MGST3: variants seen among roughly 807,000 people sequenced by gnomAD.
MGST3 encodes the protein glutathione S-transferase 3, mitochondrial.
Under a neutral mutation model 15.8 loss-of-function variants are expected in MGST3, and 13 were observed. That is an observed-to-expected ratio of 0.82 (90% CI 0.54 to 1.31). The LOEUF is 1.31. MGST3 is among the 50% of genes most tolerant of loss of function. The pLI, the probability that MGST3 is intolerant of heterozygous loss-of-function variation, is 0.00. For missense variants in MGST3, 155 were observed against 192.4 expected (o/e 0.81, Z 1.15); for synonymous variants, 49 against 68.1 (o/e 0.72, Z 1.38).
intron 1 of MGST3, among the ~76,000 whole-genome samples, chr1:165,633,749 A>G (rs1290157892): frequency 6.6e-6 from 1 of 150,394 alleles, no homozygotes; most frequent in Non-Finnish European, 1.5e-5. Flanking sequence ...AGTGGTGTCA[A>G]TGTGACTCAT....
intron 1 of MGST3, among the ~76,000 whole-genome samples, chr1:165,639,080 A>G (rs545133728): frequency 1.3e-5 from 2 of 152,126 alleles, no homozygotes; most frequent in South Asian, 2.1e-4. Context: ...ATGATCCTCT[A>G]TGTAAAGTAT....
At chr1:165,646,847 G>A (rs1335581199) in intron 1 of MGST3, 2 of 152,294 alleles carry the variant, frequency 1.3e-5, no homozygotes, top group Non-Finnish European at 1.5e-5. Context: ...CACCTCACTT[G>A]GTAGGAGTGC....
intron 1 of MGST3, among the ~76,000 whole-genome samples, chr1:165,641,204 C>T (rs1284529972): frequency 6.6e-6 from 1 of 152,146 alleles, no homozygotes; most frequent in African/African-American, 2.4e-5. Flanking sequence ...AGAGTTCCCA[C>T]TCCCTGAAGC....
chr1:165,650,104 C>T, intron 2 of MGST3, 140 bp downstream of exon 2: 2 of 1,270,566 alleles, frequency 1.6e-6, no homozygotes, highest in Non-Finnish European at 2.2e-6. Flanking sequence ...GTTAGCGATT[C>T]TGCTTCTTCA....
chr1:165,641,563 T>A (rs1205397892), intron 1 of MGST3, among the ~76,000 whole-genome samples: 1 of 152,256 alleles, frequency 6.6e-6, no homozygotes, highest in Non-Finnish European at 1.5e-5. Flanking sequence ...GACAGACATG[T>A]ACAGTTACCA....
At chr1:165,652,473 G>C (rs1285093154) in intron 4 of MGST3, among the ~76,000 whole-genome samples, 2 of 112,798 alleles carry the variant, frequency 1.8e-5, no homozygotes, top group African/African-American at 2.8e-5. Context: ...GGTGGTCACA[G>C]AGAAGAAGCA....
chr1:165,655,661 T>C lies in MGST3; in HGVS notation c.*157T>C. The C allele has an allele frequency of 2.3e-6, 2 of 876,250 alleles. No individual in the cohort carries two copies. The highest frequency in any genetic ancestry group is 3.5e-6 in the Non-Finnish European group (2 of 569,462). 54.3% of individuals were successfully genotyped at this position (876,250 alleles called of 1,614,324 possible). ...ACTCATTTCCGTTTGAGTCTGTATC[T>C]GAAATCAGTAGCCTAGTCCTACTAG... On this transcript the variant is annotated 3_prime_UTR_variant, in exon 6 of 6. Coordinates refer to ENST00000367889, the MANE Select transcript of MGST3 (RefSeq NM_004528.4).
At chr1:165,641,534 A>G (rs1648265781) in intron 1 of MGST3, among the ~76,000 whole-genome samples, 1 of 152,264 alleles carries the variant, frequency 6.6e-6, no homozygotes, top group Admixed American at 6.5e-5. Flanking sequence ...ATCCTCATTT[A>G]GGAACTGTTG....
At chr1:165,637,866 T>C (rs897492673) in intron 1 of MGST3, among the ~76,000 whole-genome samples, 2 of 152,182 alleles carry the variant, frequency 1.3e-5, no homozygotes, top group African/African-American at 4.8e-5. Context: ...ACTTTGCAAA[T>C]GTGTGTGTTG....
intron 2 of MGST3, 82 bp downstream of exon 2, chr1:165,650,046 A>C: frequency 6.3e-7 from 1 of 1,594,952 alleles, no homozygotes. Context: ...TCAGCCATGG[A>C]GGGAGAGGCA....
chr1:165,636,940 GGACCCTCA>G (rs1184202016), intron 1 of MGST3: 1 of 152,140 alleles, frequency 6.6e-6, no homozygotes, highest in Admixed American at 6.6e-5. Context: ...TGAGCCAAGT[GGACCCTCA>G]GCACCACCTC....
rs755746926 is a variant in MGST3 at position 165,651,007 on chromosome 1, G to A, written c.118-7G>A. 8 of 1,613,722 alleles carry A rather than the reference G, an allele frequency of 5.0e-6. No homozygotes were observed. In the South Asian group the frequency reaches 8.8e-5, roughly 18 times the overall value. On this transcript the variant is annotated splice_region_variant and splice_polypyrimidine_tract_variant and intron_variant, in intron 2 of 5. Transcript: ENST00000367889. ...CCATCTGATCAGTATGTGCTTTGTTGTGACAGTATCCTATCATGTACAGCA... is the reference window on the plus strand; with the variant it reads ...CCATCTGATCAGTATGTGCTTTGTTATGACAGTATCCTATCATGTACAGCA...
intron 1 of MGST3, among the ~76,000 whole-genome samples, chr1:165,642,652 T>A (rs1648290842): frequency 6.6e-6 from 1 of 152,238 alleles, no homozygotes; most frequent in African/African-American, 2.4e-5. Flanking sequence ...GGCATCATGA[T>A]GAATGTTTAT....
intron 1 of MGST3, among the ~76,000 whole-genome samples, chr1:165,643,763 G>A (rs1425741520): frequency 1.3e-5 from 2 of 152,050 alleles, no homozygotes; most frequent in Non-Finnish European, 2.9e-5. Context: ...AGCTATTTGG[G>A]AGGATGAGGC....
At chr1:165,655,218 A>C (rs1648675279) in intron 5 of MGST3, 150 bp from the exon 6 acceptor site, 3 of 946,070 alleles carry the variant, frequency 3.2e-6, no homozygotes, top group Non-Finnish European at 4.9e-6. Context: ...CTGACTTGCC[A>C]ACAGCTTCAG....
intron 4 of MGST3, 121 bp downstream of exon 4, chr1:165,652,156 A>G: frequency 1.3e-6 from 1 of 780,948 alleles, no homozygotes; most frequent in East Asian, 2.5e-5. Context: ...GCATATTTAA[A>G]AGGATTTTAT....
chr1:165,652,533 AAAC>A (rs1648588038), intron 4 of MGST3, among the ~76,000 whole-genome samples: 1 of 152,150 alleles, frequency 6.6e-6, no homozygotes, highest in African/African-American at 2.4e-5. Context: ...GCAGAGAAGA[AAAC>A]AAAGTGGGGA....
At chr1:165,655,160 C>G (rs987142687) in intron 5 of MGST3, among the ~76,000 whole-genome samples, 2 of 152,186 alleles carry the variant, frequency 1.3e-5, no homozygotes, top group Non-Finnish European at 2.9e-5. Context: ...CCATAATTTT[C>G]TAAGATCCAA....
At chr1:165,647,203 G>C (rs996457528) in intron 1 of MGST3, 4 of 152,180 alleles carry the variant, frequency 2.6e-5, no homozygotes, top group African/African-American at 9.7e-5. Context: ...TGCCCATCAA[G>C]TTTAACCTCA....
Sources: allele counts gnomAD v4.1 joint callset (sites outside exome capture counted in the v4.1 genomes callset), GRCh38; gene constraint gnomAD v4.1.1; transcripts MANE v1.5; gene names NCBI Gene and HGNC (gene_info 2026-07-23, HGNC 2026-07-21).